The following SLC6A3 variants were observed in gnomAD, a reference collection of about 807,000 sequenced individuals.
SLC6A3 encodes sodium-dependent dopamine transporter.
SLC6A3 carries 19 observed loss-of-function variants against 70.4 expected under a neutral mutation model. The ratio of observed to expected loss-of-function variants is 0.27; its 90% confidence interval spans 0.19 to 0.40. The LOEUF is 0.40. SLC6A3 is among the 10% of genes least tolerant of loss of function. The probability of loss-of-function intolerance (pLI) is 1.00; values close to 1 mark genes in which losing one functional copy is unlikely to be tolerated. For missense variants in SLC6A3, 613 were observed against 838.5 expected, an observed-to-expected ratio of 0.73 and a Z score of 3.32; for synonymous variants, 368 against 356.6, an observed-to-expected ratio of 1.03 and a Z score of -0.36.
chr5:1,421,175 A>G lies in SLC6A3; in HGVS notation c.793-472T>C. 7.0e-6 allele frequency among the ~76,000 whole-genome samples: 1 copy of G among 142,932 alleles called. No individual in the cohort carries two copies. Among genetic ancestry groups the G allele is most frequent in the African/African-American group, 2.5e-5 (1 of 39,268 alleles). 93.8% of individuals were successfully genotyped at this position (142,932 alleles called of 152,430 possible). Reference sequence around the variant, plus strand: ...ACTGGTTTTGGCCCATATAACAACCAAAGTTTTTTTTTTTTTTTTGAGATG... The same window carrying G: ...ACTGGTTTTGGCCCATATAACAACCGAAGTTTTTTTTTTTTTTTTGAGATG... On this transcript the variant is annotated intron_variant, in intron 5 of 14. Coordinates refer to ENST00000270349, the MANE Select transcript of SLC6A3 (RefSeq NM_001044.5). This position sits in a 1 kb window ranked among gnomAD's most constrained non-coding sequence, Gnocchi z 7.2.
rs376192031 is a variant in SLC6A3, at chr5:1,441,528, G to A, written c.287-38C>T. The A allele has an allele frequency of 2.5e-6, 4 of 1,608,796 alleles. No individual in the cohort carries two copies. The African/African-American group carries it at 4.0e-5, about 16-fold the overall frequency. On this transcript the variant is annotated intron_variant, in intron 2 of 14. Coordinates refer to ENST00000270349, the MANE Select transcript of SLC6A3 (RefSeq NM_001044.5). ...AAAGCACCTTTAGTTTGGGGCCTCG[G>A]AAGGGCCCATCTCTCCTCGTGGGAG...
intron 3 of SLC6A3, among the ~76,000 whole-genome samples, chr5:1,434,989 TCTC>T (rs1375083681): frequency 2.0e-5 from 3 of 152,234 alleles, no homozygotes; most frequent in African/African-American, 7.2e-5. Context: ...TGGAAGGTCT[TCTC>T]CTATGTGGAT....
In SLC6A3 at chr5:1,437,036, G is replaced by A. The variant is rs1319907404; in HGVS notation, c.418+4323C>T. Among the ~76,000 whole-genome samples the A allele has an allele frequency of 9.2e-5, 14 of 152,146 alleles. No homozygotes were observed. The highest frequency in any genetic ancestry group is 9.2e-4 in the Admixed American group (14 of 15,278). ...GGAGGCCAAGGCAGGCGGATCATGA[G>A]GTCAGGCAATCGAGACCATCCTGGC... On this transcript the variant is annotated intron_variant, in intron 3 of 14. Transcript: ENST00000270349. The surrounding 1 kb of genome is among the most constrained non-coding windows in gnomAD (Gnocchi z 4.8).
intron 1 of SLC6A3, among the ~76,000 whole-genome samples, chr5:1,444,694 C>T (rs922972941): frequency 6.6e-6 from 1 of 152,246 alleles, no homozygotes; most frequent in African/African-American, 2.4e-5. Flanking sequence ...GCGGAGCTCG[C>T]GAGTCTCCGG....
chr5:1,434,123 A>T (rs1756774714), intron 3 of SLC6A3, among the ~76,000 whole-genome samples: 1 of 152,234 alleles, frequency 6.6e-6, no homozygotes, highest in Non-Finnish European at 1.5e-5. Flanking sequence ...ATCTGAGCTC[A>T]TTTACAGCCA....
chr5:1,426,258 G>A (rs535991587), intron 4 of SLC6A3, among the ~76,000 whole-genome samples: 14 of 152,292 alleles, frequency 9.2e-5, no homozygotes, highest in Non-Finnish European at 1.6e-4. Context: ...AATAGATCTG[G>A]CCAGGTGTGG....
chr5:1,411,302 A>G lies in SLC6A3; in HGVS notation c.1210T>C (p.Ser404Pro). Reference protein sequence around the residue: ...YPEAIATLPLSSAWAVVFFIM... With the variant: ...YPEAIATLPLPSAWAVVFFIM... The stretch of plus-strand genomic sequence containing the variant: ...AAGAAGACCACGGCCCAGGCTGAGG[A>G]CAGAGGGAGCGTGGCGATGGCTTCC... The change falls in exon 9 of 15, where the codon TCC (serine) becomes CCC (proline). Residue 404 changes from serine to proline, a missense_variant. This residue lies in a region of SLC6A3 where 348 missense variants were observed against 481.2 expected (regional missense o/e 0.72). Coordinates refer to ENST00000270349, the MANE Select transcript of SLC6A3 (RefSeq NM_001044.5). The surrounding 1 kb of genome is among the most constrained non-coding windows in gnomAD (Gnocchi z 6.5). The G allele has an allele frequency of 6.4e-7, 1 of 1,555,200 alleles. No homozygotes were observed. The highest frequency in any genetic ancestry group is 8.7e-7 in the Non-Finnish European group (1 of 1,149,284).
Position 1,402,995 on chromosome 5 carries a change from G to T in SLC6A3, c.1694C>A (p.Ala565Asp). ...GGGCACCATGGCCATGGAGGATGTG[G>T]CGATGACCCAGCCCAGCGCGTTGGC... ...DWANALGWVI[A>D]TSSMAMVPIY... The change falls in exon 13 of 15, where the codon GCC (alanine) becomes GAC (aspartate). Residue 565 changes from alanine (A) to aspartate (D), a missense_variant. Around this residue, in one of 4 missense-constraint regions of SLC6A3, gnomAD observed 348 missense variants for 481.2 expected, o/e 0.72. Transcript: ENST00000270349. This position sits in a 1 kb window ranked among gnomAD's most constrained non-coding sequence, Gnocchi z 8.5. 6.2e-7 allele frequency: 1 copy of T among 1,614,106 alleles called. No homozygotes were observed. Among genetic ancestry groups the T allele is most frequent in the Non-Finnish European group, 8.5e-7 (1 of 1,180,028 alleles).
At chr5:1,439,251 C>A (rs1176032896) in intron 3 of SLC6A3, among the ~76,000 whole-genome samples, 1 of 150,378 alleles carries the variant, frequency 6.6e-6, no homozygotes, top group African/African-American at 2.5e-5. Context: ...ACCTGCAGAT[C>A]CCGCCAAGGG....
intron 4 of SLC6A3, among the ~76,000 whole-genome samples, chr5:1,426,537 G>T (rs1756580239): frequency 6.6e-6 from 1 of 152,106 alleles, no homozygotes; most frequent in South Asian, 2.1e-4. Context: ...GTGAGATCCT[G>T]TCTCTAAAAA....
At chr5:1,422,050 G>A (rs772289250) in intron 4 of SLC6A3, 36 bp from the exon 5 acceptor site, 3 of 1,601,200 alleles carry the variant, frequency 1.9e-6, no homozygotes, top group Non-Finnish European at 2.5e-6. Flanking sequence ...TCTGTGGGTG[G>A]CTGTCAACCC....
Position 1,402,701 on chromosome 5 carries a change from A to G in SLC6A3, c.1767+221T>C, listed in dbSNP as rs1490641142. 1.3e-5 allele frequency among the ~76,000 whole-genome samples: 2 copies of G among 152,030 alleles called. No homozygotes were observed. Among genetic ancestry groups the G allele is most frequent in the Non-Finnish European group, 2.9e-5 (2 of 68,006 alleles). On this transcript the variant is annotated intron_variant, in intron 13 of 14. Coordinates refer to ENST00000270349, the MANE Select transcript of SLC6A3 (RefSeq NM_001044.5). The surrounding 1 kb of genome is among the most constrained non-coding windows in gnomAD (Gnocchi z 8.5). ...ACACACAGACATGTGGACATACTTA[A>G]AGACACACACATGAATACACATATG...
chr5:1,434,616 A>G (rs1328717398), intron 3 of SLC6A3, among the ~76,000 whole-genome samples: 3 of 134,074 alleles, frequency 2.2e-5, no homozygotes, highest in Non-Finnish European at 4.6e-5. Flanking sequence ...AAGCTCCAGG[A>G]AGAATTTTTT....
Position 1,406,112 on chromosome 5 carries a change from G to T in SLC6A3, c.1599+76C>A. 1 of 1,049,052 alleles carries T rather than the reference G, an allele frequency of 9.5e-7. No individual in the cohort carries two copies. The highest frequency in any genetic ancestry group is 1.5e-6 in the Non-Finnish European group (1 of 666,254). 65.0% of individuals were successfully genotyped at this position (1,049,052 alleles called of 1,614,324 possible). A position where few individuals can be genotyped will look rare whatever the true frequency, so the allele number is the denominator to read the frequency against. ...CCACAGTGACAACCCACATGCGGGCGCTGGACCTCGGGGCAGGTGCCAGAG... is the reference window on the plus strand; with the variant it reads ...CCACAGTGACAACCCACATGCGGGCTCTGGACCTCGGGGCAGGTGCCAGAG... On this transcript the variant is annotated intron_variant, in intron 12 of 14. Transcript: ENST00000270349. This position sits in a 1 kb window ranked among gnomAD's most constrained non-coding sequence, Gnocchi z 8.8.
intron 3 of SLC6A3, among the ~76,000 whole-genome samples, chr5:1,433,451 C>T (rs1263429687): frequency 6.6e-6 from 1 of 152,146 alleles, no homozygotes; most frequent in African/African-American, 2.4e-5. Flanking sequence ...TAATCCAGGG[C>T]CACTTTGAGT....
intron 14 of SLC6A3, among the ~76,000 whole-genome samples, chr5:1,395,586 G>T (rs1408798426): frequency 3.3e-5 from 5 of 152,190 alleles, no homozygotes; most frequent in African/African-American, 1.2e-4. Context: ...GGTCTACCGG[G>T]GGCCTGGAGC....
In SLC6A3 at chr5:1,421,958, C is replaced by T. The variant is rs6345; in HGVS notation, c.710G>A (p.Arg237Gln). Residue 237 changes from arginine to glutamine, a missense_variant, in exon 5 of 15, where the codon CGG becomes CAG. Arg to Gln is a conservative substitution (Grantham distance 43). This residue lies in a region of SLC6A3 where 153 missense variants were observed against 249.4 expected (regional missense o/e 0.61). Transcript: ENST00000270349. The surrounding 1 kb of genome is among the most constrained non-coding windows in gnomAD (Gnocchi z 7.2). ...SHGIDDLGPP[R>Q]WQLTACLVLV... The stretch of plus-strand genomic sequence containing the variant: ...CACCAGGCAGGCTGTGAGCTGCCAC[C>T]GCGGAGGCCCCAGGTCGTCGATGCC... 125 of 1,613,134 alleles carry T rather than the reference C, an allele frequency of 7.7e-5. No individual in the cohort carries two copies. The East Asian group carries it at 2.2e-3, about 28-fold the overall frequency.
chr5:1,413,767 T>C lies in SLC6A3; in HGVS notation c.1156+924A>G, dbSNP rs1224214423. On this transcript the variant is annotated intron_variant, in intron 8 of 14. Transcript: ENST00000270349. The surrounding 1 kb of genome is among the most constrained non-coding windows in gnomAD (Gnocchi z 7.1). ...GCTGGCTGACAGAGACCGAGAAGCC[T>C]TGGGACTCCCTGGAGCTCTCGGTTG... Among the ~76,000 whole-genome samples the C allele has an allele frequency of 1.3e-5, 2 of 151,770 alleles. No homozygotes were observed. Among genetic ancestry groups the C allele is most frequent in the Non-Finnish European group, 2.9e-5 (2 of 67,922 alleles).
chr5:1,403,386 T>G (rs1006120073), intron 12 of SLC6A3, among the ~76,000 whole-genome samples: 1 of 82,930 alleles, frequency 1.2e-5, no homozygotes, highest in Non-Finnish European at 2.2e-5. Context: ...TCCCCTCCCC[T>G]CCCCTCCCAT....
Sources: allele counts gnomAD v4.1 joint callset (sites outside exome capture counted in the v4.1 genomes callset), GRCh38; gene constraint gnomAD v4.1.1; regional missense constraint gnomAD v4.1.1; non-coding constraint Gnocchi (gnomAD v3.1); transcripts MANE v1.5; gene names NCBI Gene and HGNC (gene_info 2026-07-23, HGNC 2026-07-21).